The following PARD3B variants were observed in gnomAD, a reference collection of about 807,000 sequenced individuals.
PARD3B encodes the protein par-3 family cell polarity regulator beta.
Under a neutral mutation model 130.2 loss-of-function variants are expected in PARD3B, and 103 were observed. The observed-to-expected ratio is 0.79, with a 90% CI of 0.67 to 0.93. PARD3B has a LOEUF of 0.93. Ranked by LOEUF, PARD3B falls within the 40% of genes least tolerant of loss-of-function variation. The probability of loss-of-function intolerance (pLI) is 0.00; values close to 1 mark genes in which losing one functional copy is unlikely to be tolerated. For missense variants in PARD3B, 1,609 were observed against 1,499.2 expected (o/e 1.07, Z -1.21); for synonymous variants, 583 against 553.2 (o/e 1.05, Z -0.76).
chr2:205,487,484 A>C (rs1172371347), intron 20 of PARD3B, among the ~76,000 whole-genome samples: 1 of 152,124 alleles, frequency 6.6e-6, no homozygotes, highest in Non-Finnish European at 1.5e-5. Flanking sequence ...ACAAGCTACC[A>C]TCCGTGCACT....
chr2:205,365,488 C>A (rs1352034924), intron 18 of PARD3B, among the ~76,000 whole-genome samples: 1 of 151,038 alleles, frequency 6.6e-6, no homozygotes, highest in Non-Finnish European at 1.5e-5. Context: ...CACAGGCCTG[C>A]TGTCTTCCCT....
chr2:205,202,123 A>G (rs1211552875), intron 15 of PARD3B, among the ~76,000 whole-genome samples: 2 of 152,178 alleles, frequency 1.3e-5, no homozygotes, highest in African/African-American at 4.8e-5. Flanking sequence ...TGGATTAACC[A>G]AAATTTAACA....
intron 2 of PARD3B, among the ~76,000 whole-genome samples, chr2:204,900,034 TC>T: frequency 6.6e-6 from 1 of 152,314 alleles, no homozygotes; most frequent in Non-Finnish European, 1.5e-5. Flanking sequence ...GCTTTTGGGA[TC>T]CCCTCTTTAT....
rs1693199978 is a variant in PARD3B, at chr2:204,545,481, G to A, written c.-519G>A. Among the ~76,000 whole-genome samples the A allele has an allele frequency of 6.6e-6, 1 of 152,148 alleles. No homozygotes were observed. Among genetic ancestry groups the A allele is most frequent in the South Asian group, 2.1e-4 (1 of 4,828 alleles). On this transcript the variant is annotated 5_prime_UTR_variant, in exon 1 of 23. Coordinates refer to ENST00000406610, the MANE Select transcript of PARD3B (RefSeq NM_001302769.2). ...GGCCCAGGCCGTCGCCGGGACCGCA[G>A]GAGCCCAGAGCGCGGGCGCCGCAGA...
chr2:205,138,375 A>T (rs1009456556), intron 10 of PARD3B, among the ~76,000 whole-genome samples: 1 of 152,100 alleles, frequency 6.6e-6, no homozygotes, highest in Non-Finnish European at 1.5e-5. Context: ...GCTGGACACC[A>T]GTCTCCCTAG....
At chr2:205,438,854 A>G (rs1422337107) in intron 19 of PARD3B, among the ~76,000 whole-genome samples, 3 of 152,158 alleles carry the variant, frequency 2.0e-5, no homozygotes, top group Non-Finnish European at 4.4e-5. Flanking sequence ...GATATGCAAT[A>G]ATATATCCTG....
At chr2:205,612,639 A>C (rs1279232323) in intron 22 of PARD3B, among the ~76,000 whole-genome samples, 3 of 152,076 alleles carry the variant, frequency 2.0e-5, no homozygotes, top group African/African-American at 4.8e-5. Context: ...TAGTAGGCCA[A>C]CTCATTGTTT....
chr2:204,626,696 G>A (rs1177194222), intron 1 of PARD3B, among the ~76,000 whole-genome samples: 1 of 151,864 alleles, frequency 6.6e-6, no homozygotes, highest in African/African-American at 2.4e-5. Flanking sequence ...TCAAACTTTT[G>A]ATAAATACAA....
chr2:205,612,387 C>A (rs988069284), intron 22 of PARD3B, among the ~76,000 whole-genome samples: 99 of 152,244 alleles, frequency 6.5e-4, no homozygotes, highest in African/African-American at 2.3e-3. Context: ...AGTGATCCAC[C>A]CACCTTGGCC....
rs77111699 is a variant in PARD3B, at chr2:205,476,752, C to T, written c.3045-23144C>T. ...CCACATGAACCATTTCTCTTTTACA[C>T]AGCAATCATTTATCACTTATAAGTG... On this transcript the variant is annotated intron_variant, in intron 20 of 22. Transcript: ENST00000406610. Among the ~76,000 whole-genome samples, 16 of 152,274 alleles carry T rather than the reference C, an allele frequency of 1.1e-4. No homozygotes were observed. The East Asian group carries it at 1.7e-3, about 17-fold the overall frequency.
At chr2:204,964,440 A>G (rs1001236918) in intron 2 of PARD3B, among the ~76,000 whole-genome samples, 13 of 152,238 alleles carry the variant, frequency 8.5e-5, no homozygotes, top group Non-Finnish European at 5.9e-5. Flanking sequence ...AACAGTAAAA[A>G]GCATAGTTCT....
intron 16 of PARD3B, among the ~76,000 whole-genome samples, chr2:205,246,695 G>A (rs1430828595): frequency 6.6e-6 from 1 of 152,148 alleles, no homozygotes; most frequent in Non-Finnish European, 1.5e-5. Flanking sequence ...TGCCAATTAT[G>A]TTTTCAGCAG....
At position 204,706,328 on chromosome 2, in the gene PARD3B, C is replaced by T. The variant is rs994192975; in HGVS notation, c.222+20046C>T. Among the ~76,000 whole-genome samples, 59 of 150,360 alleles carry T rather than the reference C, an allele frequency of 3.9e-4. 2 individuals carry two copies. The highest frequency in any genetic ancestry group is 1.4e-3 in the African/African-American group (59 of 40,812). Reference sequence around the variant, plus strand: ...GTTGCAGTGAGCTAAGATCGCACCACTGCACTCCAGCCTGGGCGACAGAGT... The same window carrying T: ...GTTGCAGTGAGCTAAGATCGCACCATTGCACTCCAGCCTGGGCGACAGAGT... On this transcript the variant is annotated intron_variant, in intron 2 of 22. Coordinates refer to ENST00000406610, the MANE Select transcript of PARD3B (RefSeq NM_001302769.2).
intron 2 of PARD3B, among the ~76,000 whole-genome samples, chr2:204,961,328 G>C (rs1690725487): frequency 6.6e-6 from 1 of 152,138 alleles, no homozygotes; most frequent in African/African-American, 2.4e-5. Flanking sequence ...TGACACTGGA[G>C]GTGGTGAGAA....
chr2:205,180,174 T>C (rs1049421898), intron 13 of PARD3B, among the ~76,000 whole-genome samples: 2 of 151,230 alleles, frequency 1.3e-5, no homozygotes, highest in Non-Finnish European at 2.9e-5. Flanking sequence ...TATTATATTT[T>C]CTTTGTGGAT....
chr2:204,949,520 C>T (rs1689595389), intron 2 of PARD3B, among the ~76,000 whole-genome samples: 1 of 151,914 alleles, frequency 6.6e-6, no homozygotes, highest in African/African-American at 2.4e-5. Context: ...TGGGGTCTTA[C>T]CATGTTGCCC....
chr2:205,408,107 G>A (rs1400491933), intron 19 of PARD3B, among the ~76,000 whole-genome samples: 1 of 152,194 alleles, frequency 6.6e-6, no homozygotes, highest in Non-Finnish European at 1.5e-5. Flanking sequence ...CGGTTTCAGT[G>A]TCTGAATTCA....
intron 18 of PARD3B, among the ~76,000 whole-genome samples, chr2:205,356,890 C>CAA (rs33968644): frequency 0.61 from 79,256 of 130,900 alleles, 26,144 homozygotes; most frequent in South Asian, 0.76. Flanking sequence ...GACTCTGTCT[C>CAA]AAAAAAAAAA....
intron 2 of PARD3B, among the ~76,000 whole-genome samples, chr2:204,955,547 A>G (rs887323540): frequency 2.0e-5 from 3 of 152,210 alleles, no homozygotes; most frequent in African/African-American, 7.2e-5. Context: ...TATAGCAGAA[A>G]ATGTAGATCA....
Sources: gnomAD v4.1 joint callset for allele counts (sites outside exome capture counted in the v4.1 genomes callset) on GRCh38, gnomAD v4.1.1 for gene constraint, MANE v1.5 for transcripts, NCBI Gene and HGNC (gene_info 2026-07-23, HGNC 2026-07-21) for gene names.